SLC30A7: variants seen among roughly 807,000 people sequenced by gnomAD.
SLC30A7 encodes the protein solute carrier family 30 member 7.
Under a neutral mutation model 46.0 loss-of-function variants are expected in SLC30A7, and 35 were observed. The observed-to-expected ratio is 0.76, with a 90% CI of 0.58 to 1.01. SLC30A7 has a LOEUF of 1.01. Ranked by LOEUF, SLC30A7 falls within the 50% of genes least tolerant of loss-of-function variation. The pLI is 0.00. For missense variants in SLC30A7, 464 were observed against 451.1 expected, an observed-to-expected ratio of 1.03 and a Z score of -0.26; for synonymous variants, 147 against 157.8, an observed-to-expected ratio of 0.93 and a Z score of 0.51.
At chr1:100,913,881 A>G in intron 6 of SLC30A7, 75 bp downstream of exon 6, 1 of 1,545,946 alleles carries the variant, frequency 6.5e-7, no homozygotes, top group South Asian at 1.2e-5. Context: ...CCTAGTTGAA[A>G]TAGTTTATTA....
At chr1:100,929,470 G>C (rs969400117) in intron 8 of SLC30A7, among the ~76,000 whole-genome samples, 5 of 152,054 alleles carry the variant, frequency 3.3e-5, no homozygotes, top group African/African-American at 1.2e-4. Context: ...TTAGGAAATA[G>C]TGAAAACTCT....
intron 8 of SLC30A7, among the ~76,000 whole-genome samples, chr1:100,936,900 T>C (rs1653998129): frequency 6.6e-6 from 1 of 152,252 alleles, no homozygotes; most frequent in South Asian, 2.1e-4. Context: ...TCCTCAAGTT[T>C]CATTCACTTT....
At chr1:100,991,707 T>C in the SLC30A7 span, among the ~76,000 whole-genome samples, 4 of 147,856 alleles carry the variant, frequency 2.7e-5, no homozygotes, top group African/African-American at 1.0e-4. Flanking sequence ...GAGGGTGGCT[T>C]GAGCCCGGGA....
the SLC30A7 span, chr1:100,990,671 T>G: frequency 2.5e-6 from 4 of 1,580,558 alleles, no homozygotes; most frequent in South Asian, 4.5e-5. Flanking sequence ...ATTCAGCAAA[T>G]GCATCATCCA....
rs1656556870 is a variant in SLC30A7 at position 100,976,918 on chromosome 1, A to G, written c.*2061A>G. The G allele has an allele frequency of 1.3e-5, 2 of 152,594 alleles. No homozygotes were observed. The highest frequency in any genetic ancestry group is 2.1e-4 in the South Asian group (1 of 4,830). The allele number at this position is 152,594 out of a possible 1,614,324, so 9.5% of individuals were successfully genotyped here. On this transcript the variant is annotated 3_prime_UTR_variant, in exon 11 of 11. Transcript: ENST00000357650. The stretch of plus-strand genomic sequence containing the variant: ...GAAATCTATGATTTACTGCAGTAGT[A>G]TGTGCTTAAAACAACTGTTGAGGTC...
chr1:100,943,854 C>T (rs1654481638), intron 8 of SLC30A7, among the ~76,000 whole-genome samples: 1 of 152,064 alleles, frequency 6.6e-6, no homozygotes, highest in African/African-American at 2.4e-5. Context: ...ATATGTAGCA[C>T]ATGATATATA....
rs1490862147 is a variant in SLC30A7, at chr1:100,980,792, T to A, written c.*5935T>A. 1 of 152,040 alleles carries A rather than the reference T, an allele frequency of 6.6e-6. No individual in the cohort carries two copies. Among genetic ancestry groups the A allele is most frequent in the Non-Finnish European group, 1.5e-5 (1 of 67,922 alleles). The allele number at this position is 152,040 out of a possible 1,614,324, so 9.4% of individuals were successfully genotyped here. On this transcript the variant is annotated 3_prime_UTR_variant, in exon 11 of 11. Transcript: ENST00000357650. ...CAGAATTGGGACTGTGGAACCTGGG[T>A]CACTTGAATTTTCTATATTTTGTAT...
intron 3 of SLC30A7, among the ~76,000 whole-genome samples, chr1:100,908,086 G>C (rs952064053): frequency 6.6e-6 from 1 of 151,090 alleles, no homozygotes; most frequent in African/African-American, 2.4e-5. Flanking sequence ...TTCCTTCACT[G>C]ATTCTCCTTC....
At position 100,974,797 on chromosome 1, in the gene SLC30A7, TC is replaced by T; in HGVS notation, c.1084-12del. On this transcript the variant is annotated splice_polypyrimidine_tract_variant and intron_variant, in intron 10 of 10. Transcript: ENST00000357650. ...TGTTAGATTTTCTAACTTTTTTTTT[TC>T]TTACTTTTCAGGCTGGAGTGAGACA... 6.4e-7 allele frequency: 1 copy of T among 1,572,150 alleles called. No individual in the cohort carries two copies. Among genetic ancestry groups the T allele is most frequent in the Non-Finnish European group, 8.7e-7 (1 of 1,152,548 alleles).
intron 4 of SLC30A7, among the ~76,000 whole-genome samples, chr1:100,911,555 T>G (rs1275440188): frequency 6.6e-6 from 1 of 152,072 alleles, no homozygotes; most frequent in Non-Finnish European, 1.5e-5. Context: ...TAATTTTTTA[T>G]TTATTTAGTT....
chr1:100,918,473 C>T lies in SLC30A7; in HGVS notation c.706+346C>T, dbSNP rs145784936. 8.5e-5 allele frequency among the ~76,000 whole-genome samples: 13 copies of T among 152,170 alleles called. No homozygotes were observed. In the East Asian group the frequency reaches 1.9e-3, roughly 23 times the overall value. On this transcript the variant is annotated intron_variant, in intron 7 of 10. Transcript: ENST00000357650. The stretch of plus-strand genomic sequence containing the variant: ...ATGAGACTCGTATCTCAAAAAGATT[C>T]GGAAACTATTCTGCTTGAATATAAG...
intron 2 of SLC30A7, among the ~76,000 whole-genome samples, chr1:100,897,700 CTTGGGCTTCTTT>C (rs1651053826): frequency 6.6e-6 from 1 of 152,198 alleles, no homozygotes; most frequent in Admixed American, 6.5e-5. Flanking sequence ...TTATATAATG[CTTGGGCTTCTTT>C]CAATTCAACC....
chr1:100,914,889 G>A (rs577265980), intron 6 of SLC30A7, among the ~76,000 whole-genome samples: 16 of 151,804 alleles, frequency 1.1e-4, no homozygotes, highest in East Asian at 5.8e-4. Context: ...CTGAGATCAC[G>A]CTACTGCACT....
chr1:100,995,552 A>G, the SLC30A7 span: 1 of 156,830 alleles, frequency 6.4e-6, no homozygotes. Flanking sequence ...CACATTTAAA[A>G]AAGTCTTTTG....
At chr1:100,972,951 A>C (rs973706851) in intron 10 of SLC30A7, among the ~76,000 whole-genome samples, 1 of 152,056 alleles carries the variant, frequency 6.6e-6, no homozygotes, top group African/African-American at 2.4e-5. Context: ...GAACATACAG[A>C]TACTGAATTC....
intron 8 of SLC30A7, among the ~76,000 whole-genome samples, chr1:100,951,872 C>T (rs1654973656): frequency 6.6e-6 from 1 of 152,132 alleles, no homozygotes; most frequent in Non-Finnish European, 1.5e-5. Flanking sequence ...AGAGACTTTT[C>T]AGATGTAATT....
At chr1:100,897,026 CG>C (rs930138152) in intron 2 of SLC30A7, among the ~76,000 whole-genome samples, 2 of 151,538 alleles carry the variant, frequency 1.3e-5, no homozygotes, top group Admixed American at 6.6e-5. Context: ...CTGCCTCTCT[CG>C]GGGGGGAGTG....
the SLC30A7 span, chr1:100,995,401 G>A: frequency 2.7e-6 from 1 of 371,022 alleles, no homozygotes; most frequent in Non-Finnish European, 5.0e-6. Context: ...AGAAGACAAG[G>A]GAAAGAATTA....
chr1:100,939,673 T>TA (rs779785674), intron 8 of SLC30A7, among the ~76,000 whole-genome samples: 2,161 of 133,700 alleles, frequency 0.016, 30 homozygotes, highest in African/African-American at 0.026. Flanking sequence ...TGTCTCTACT[T>TA]AAAAAAAAAA....
Sources: gnomAD v4.1 joint callset for allele counts (sites outside exome capture counted in the v4.1 genomes callset) on GRCh38, gnomAD v4.1.1 for gene constraint, MANE v1.5 for transcripts, NCBI Gene and HGNC (gene_info 2026-07-23, HGNC 2026-07-21) for gene names.